The following RAD51B variants were observed in gnomAD, a reference collection of about 807,000 sequenced individuals.
The protein encoded by RAD51B is RAD51 paralog B, also known as DNA repair protein RAD51 homolog 2.
In RAD51B, 38 loss-of-function variants were observed where a neutral mutation model predicts 42.2. That is an observed-to-expected ratio of 0.90 (90% CI 0.70 to 1.18). The LOEUF (loss-of-function observed/expected upper bound fraction) is 1.18, where lower values mean the gene tolerates loss of function less well. RAD51B is among the 50% of genes most tolerant of loss of function. The pLI, the probability that RAD51B is intolerant of heterozygous loss-of-function variation, is 0.00. For missense variants in RAD51B, 373 were observed against 400.7 expected (o/e 0.93, Z 0.59); for synonymous variants, 154 against 145.2 (o/e 1.06, Z -0.43).
At chr14:68,326,317 G>A (rs758168583) in intron 8 of RAD51B, among the ~76,000 whole-genome samples, 35 of 152,094 alleles carry the variant, frequency 2.3e-4, no homozygotes, top group Admixed American at 5.2e-4. Flanking sequence ...TAGGATTACA[G>A]GCATGAGCCA....
chr14:68,023,936 A>G (rs1186981035), intron 7 of RAD51B, among the ~76,000 whole-genome samples: 2 of 152,194 alleles, frequency 1.3e-5, no homozygotes, highest in Admixed American at 6.5e-5. Flanking sequence ...TGATATCAAG[A>G]AAGTTATTTT....
chr14:67,860,970 G>A (rs2042144878), intron 4 of RAD51B, among the ~76,000 whole-genome samples: 1 of 152,084 alleles, frequency 6.6e-6, no homozygotes, highest in Non-Finnish European at 1.5e-5. Context: ...AAGGTGAGAG[G>A]ATTACTTTAG....
intron 9 of RAD51B, among the ~76,000 whole-genome samples, chr14:68,441,747 A>G (rs1019130809): frequency 6.6e-6 from 1 of 152,162 alleles, no homozygotes; most frequent in Non-Finnish European, 1.5e-5. Context: ...TTCCCCTTCT[A>G]TAAGAGAATT....
intron 8 of RAD51B, among the ~76,000 whole-genome samples, chr14:68,353,660 A>G (rs891979853): frequency 6.6e-6 from 1 of 152,238 alleles, no homozygotes; most frequent in African/African-American, 2.4e-5. Context: ...ACGTGGAGGC[A>G]GAGGTGCATC....
At chr14:68,457,412 A>G (rs147670127) in intron 9 of RAD51B, among the ~76,000 whole-genome samples, 33 of 152,352 alleles carry the variant, frequency 2.2e-4, no homozygotes, top group African/African-American at 7.5e-4. Context: ...AGCAGTAGTT[A>G]TAGGGAAATA....
At chr14:68,359,133 CCT>C (rs2082967653) in intron 8 of RAD51B, among the ~76,000 whole-genome samples, 1 of 152,012 alleles carries the variant, frequency 6.6e-6, no homozygotes, top group African/African-American at 2.4e-5. Context: ...TTTACTGCAT[CCT>C]CCCACGACCT....
intron 8 of RAD51B, among the ~76,000 whole-genome samples, chr14:68,371,445 G>A (rs1313214384): frequency 1.3e-5 from 2 of 152,184 alleles, no homozygotes; most frequent in East Asian, 1.9e-4. Flanking sequence ...TTGAACGCGG[G>A]AGGCGGAGGT....
At chr14:68,147,726 G>A (rs1206028609) in intron 7 of RAD51B, among the ~76,000 whole-genome samples, 1 of 151,148 alleles carries the variant, frequency 6.6e-6, no homozygotes, top group Non-Finnish European at 1.5e-5. Context: ...AACTCTTACG[G>A]AAGGAGATTA....
At chr14:68,547,662 T>G (rs1001005589) in intron 10 of RAD51B, among the ~76,000 whole-genome samples, 3 of 152,282 alleles carry the variant, frequency 2.0e-5, no homozygotes, top group Middle Eastern at 6.8e-3. Context: ...AGCTCCCTCC[T>G]AGCTCTGAAA....
intron 7 of RAD51B, among the ~76,000 whole-genome samples, chr14:68,129,305 C>A (rs770218815): frequency 1.3e-5 from 2 of 152,128 alleles, no homozygotes; most frequent in Non-Finnish European, 2.9e-5. Flanking sequence ...AACTGAGAAA[C>A]TGAGAACTCT....
intron 5 of RAD51B, among the ~76,000 whole-genome samples, chr14:67,865,626 C>T (rs768751438): frequency 1.3e-5 from 2 of 150,036 alleles, no homozygotes; most frequent in Non-Finnish European, 3.0e-5. Context: ...GCAACCTCCG[C>T]CTCCCGGGTT....
chr14:68,562,548 G>A (rs1012075301), intron 10 of RAD51B: 33 of 985,416 alleles, frequency 3.3e-5, no homozygotes, highest in South Asian at 1.9e-4. Context: ...GTTTTGGCAC[G>A]TGGCAAACTA....
intron 10 of RAD51B, among the ~76,000 whole-genome samples, chr14:68,636,373 A>G (rs1376703054): frequency 1.3e-5 from 2 of 152,138 alleles, no homozygotes; most frequent in East Asian, 1.9e-4. Context: ...ATTTGAGGTC[A>G]GGAGTTCGAG....
chr14:68,138,330 G>A (rs1054927423), intron 7 of RAD51B, among the ~76,000 whole-genome samples: 16 of 152,088 alleles, frequency 1.1e-4, no homozygotes, highest in African/African-American at 3.1e-4. Context: ...ACATTTTACC[G>A]TTTTGTTACA....
intron 4 of RAD51B, among the ~76,000 whole-genome samples, chr14:67,836,935 T>C (rs921543326): frequency 2.0e-5 from 3 of 152,190 alleles, no homozygotes; most frequent in Non-Finnish European, 2.9e-5. Context: ...TCAGGAAACT[T>C]CTAAACAAGA....
chr14:67,987,666 G>A (rs1435235508), intron 7 of RAD51B, among the ~76,000 whole-genome samples: 1 of 152,028 alleles, frequency 6.6e-6, no homozygotes, highest in Non-Finnish European at 1.5e-5. Context: ...ATTTTCTGGG[G>A]CAATTACTAT....
chr14:68,403,773 T>A (rs546090556), intron 8 of RAD51B, among the ~76,000 whole-genome samples: 2 of 152,370 alleles, frequency 1.3e-5, no homozygotes, highest in Admixed American at 1.3e-4. Flanking sequence ...AGATTTACTA[T>A]CTTGCCTCAT....
intron 7 of RAD51B, among the ~76,000 whole-genome samples, chr14:67,993,107 G>A (rs981410007): frequency 1.3e-5 from 2 of 151,980 alleles, no homozygotes; most frequent in Non-Finnish European, 2.9e-5. Flanking sequence ...GTACATAGTA[G>A]TTCTGTATAT....
chr14:68,563,659 G>C, intron 10 of RAD51B: 7 of 982,844 alleles, frequency 7.1e-6, no homozygotes, highest in Non-Finnish European at 8.5e-6. Flanking sequence ...GTCATGCTTC[G>C]GGGGAAGGGC....
Sources: gnomAD v4.1 joint callset for allele counts (sites outside exome capture counted in the v4.1 genomes callset) on GRCh38, gnomAD v4.1.1 for gene constraint, MANE v1.5 for transcripts, NCBI Gene and HGNC (gene_info 2026-07-23, HGNC 2026-07-21) for gene names.